The following SLC35D2 variants were observed in gnomAD, a reference collection of about 807,000 sequenced individuals.
SLC35D2 encodes nucleotide sugar transporter SLC35D2.
In SLC35D2, 43 loss-of-function variants were observed where a neutral mutation model predicts 41.8. That is an observed-to-expected ratio of 1.03 (90% CI 0.81 to 1.33). SLC35D2 has a LOEUF of 1.33. SLC35D2 is among the 40% of genes most tolerant of loss of function. The pLI is 0.00. For synonymous variants in SLC35D2, 150 were observed against 163.9 expected (o/e 0.92, Z 0.65); for missense variants, 380 against 408.4 (o/e 0.93, Z 0.60).
intron 1 of SLC35D2, among the ~76,000 whole-genome samples, chr9:96,373,374 T>G (rs568880561): frequency 6.6e-6 from 1 of 152,144 alleles, no homozygotes; most frequent in African/African-American, 2.4e-5. Flanking sequence ...TCCCCTGATA[T>G]GTCCTTTTTT....
At chr9:96,325,539 C>T (rs142427485) in intron 9 of SLC35D2, among the ~76,000 whole-genome samples, 2,947 of 152,200 alleles carry the variant, frequency 0.019, 42 homozygotes, top group Middle Eastern at 0.065. Flanking sequence ...AAAAATTAGC[C>T]GGGCGTGGCG....
chr9:96,330,377 G>A (rs563520970), intron 9 of SLC35D2, among the ~76,000 whole-genome samples: 66 of 152,202 alleles, frequency 4.3e-4, no homozygotes, highest in African/African-American at 1.6e-3. Flanking sequence ...TAATCCAGTC[G>A]AATTGATACC....
At position 96,372,919 on chromosome 9, in the gene SLC35D2, T is replaced by G. The variant is rs557038473; in HGVS notation, c.159-4614A>C. The stretch of plus-strand genomic sequence containing the variant: ...CTTTTGTTTTTTTGTTTTTTTTTTT[T>G]GAGACAGAGTTTCGCTCTTGCCCAG... On this transcript the variant is annotated intron_variant, in intron 1 of 11. Coordinates refer to ENST00000253270, the MANE Select transcript of SLC35D2 (RefSeq NM_007001.3). Among the ~76,000 whole-genome samples the G allele has an allele frequency of 4.7e-5, 7 of 149,310 alleles. No individual in the cohort carries two copies. In the East Asian group the frequency reaches 1.4e-3, roughly 29 times the overall value.
At chr9:96,342,397 T>G (rs1829371636) in intron 8 of SLC35D2, among the ~76,000 whole-genome samples, 1 of 152,220 alleles carries the variant, frequency 6.6e-6, no homozygotes, top group Non-Finnish European at 1.5e-5. Context: ...CCCAAAGTGC[T>G]GGGGTTACTG....
chr9:96,362,319 C>A (rs1379653040), intron 3 of SLC35D2, among the ~76,000 whole-genome samples: 1 of 152,116 alleles, frequency 6.6e-6, no homozygotes, highest in Admixed American at 6.6e-5. Flanking sequence ...ACCAGCCTGA[C>A]CAACATGGAG....
chr9:96,344,961 A>T (rs1829510846), intron 7 of SLC35D2, among the ~76,000 whole-genome samples: 1 of 152,180 alleles, frequency 6.6e-6, no homozygotes, highest in Non-Finnish European at 1.5e-5. Flanking sequence ...CCACATCTCC[A>T]GACTCCAAAC....
intron 9 of SLC35D2, among the ~76,000 whole-genome samples, chr9:96,333,594 CAAAAAAAAAAAAAA>C (rs573718212): frequency 2.9e-5 from 2 of 68,770 alleles, no homozygotes; most frequent in Non-Finnish European, 6.3e-5. Flanking sequence ...GACTCCGTCT[CAAAAAAAAAAAAAA>C]AAAAAAAAAG....
intron 1 of SLC35D2, among the ~76,000 whole-genome samples, chr9:96,378,505 C>A (rs540697871): frequency 4.6e-5 from 7 of 152,110 alleles, no homozygotes; most frequent in South Asian, 4.2e-4. Context: ...AAATAGTGAG[C>A]AAATATTTGT....
Position 96,340,619 on chromosome 9 carries a change from CAAAAAAAAAAAAAAAA to C in SLC35D2, c.684+3269_684+3284del, listed in dbSNP as rs57501812. 4.1e-3 allele frequency among the ~76,000 whole-genome samples: 145 copies of C among 35,380 alleles called. 10 individuals are homozygous for C. The highest frequency in any genetic ancestry group is 1.9e-3 in the East Asian group (2 of 1,070). 23.2% of individuals were successfully genotyped at this position (35,380 alleles called of 152,430 possible). On this transcript the variant is annotated intron_variant, in intron 8 of 11. Transcript: ENST00000253270. ...TGGGCAACAGAGGGAGACTCCATCTCAAAAAAAAAAAAAAAAAAAAAAAAAAAAAAACTAGTCAAAT... is the reference window on the plus strand; with the variant it reads ...TGGGCAACAGAGGGAGACTCCATCTCAAAAAAAAAAAAAAACTAGTCAAAT...
At chr9:96,323,039 T>C (rs537199771) in intron 10 of SLC35D2, among the ~76,000 whole-genome samples, 3 of 146,504 alleles carry the variant, frequency 2.0e-5, no homozygotes, top group Non-Finnish European at 3.0e-5. Flanking sequence ...TTTTTTTTTT[T>C]CAACCTTGGG....
At chr9:96,324,775 G>A (rs533639134) in intron 9 of SLC35D2, among the ~76,000 whole-genome samples, 1 of 151,880 alleles carries the variant, frequency 6.6e-6, no homozygotes, top group Admixed American at 6.6e-5. Context: ...GGCTGGTCTT[G>A]AACTCCTGAG....
intron 4 of SLC35D2, among the ~76,000 whole-genome samples, chr9:96,359,323 T>A (rs1356047678): frequency 2.0e-5 from 3 of 149,380 alleles, no homozygotes; most frequent in Non-Finnish European, 4.5e-5. Flanking sequence ...AAAAAAAAAA[T>A]CATTAACAGT....
chr9:96,368,911 C>T lies in SLC35D2; in HGVS notation c.159-606G>A, dbSNP rs553971187. 1.4e-4 allele frequency among the ~76,000 whole-genome samples: 21 copies of T among 151,988 alleles called. No homozygotes were observed. In the South Asian group the frequency reaches 2.1e-3, roughly 15 times the overall value. Reference sequence around the variant, plus strand: ...TCCCGAGTAGCTGGGACTATAGGCGCGCACCACCATGCCCGGTTAATTTTT... The same window carrying T: ...TCCCGAGTAGCTGGGACTATAGGCGTGCACCACCATGCCCGGTTAATTTTT... On this transcript the variant is annotated intron_variant, in intron 1 of 11. Coordinates refer to ENST00000253270, the MANE Select transcript of SLC35D2 (RefSeq NM_007001.3).
chr9:96,360,564 G>T (rs1222737861), intron 3 of SLC35D2, among the ~76,000 whole-genome samples: 1 of 143,340 alleles, frequency 7.0e-6, no homozygotes, highest in East Asian at 2.1e-4. Flanking sequence ...GGCGGGCAGA[G>T]GTTGCAGTGA....
At chr9:96,327,606 TTTTTTC>T (rs544645222) in intron 9 of SLC35D2, among the ~76,000 whole-genome samples, 90 of 151,896 alleles carry the variant, frequency 5.9e-4, no homozygotes, top group Admixed American at 2.4e-3. Context: ...GCTGCACTTC[TTTTTTC>T]TTTTTCTTTT....
chr9:96,376,825 G>T (rs1830982290), intron 1 of SLC35D2, among the ~76,000 whole-genome samples: 1 of 151,380 alleles, frequency 6.6e-6, no homozygotes, highest in African/African-American at 2.4e-5. Context: ...GACCAGGATG[G>T]TCTCGAACTC....
chr9:96,347,890 C>T (rs538556402), intron 6 of SLC35D2, among the ~76,000 whole-genome samples: 3 of 152,294 alleles, frequency 2.0e-5, no homozygotes, highest in South Asian at 4.1e-4. Context: ...CCGCCAGCGC[C>T]GTGACAGTTT....
chr9:96,347,970 C>T (rs536263219), intron 6 of SLC35D2, among the ~76,000 whole-genome samples: 3 of 152,322 alleles, frequency 2.0e-5, no homozygotes, highest in East Asian at 3.9e-4. Context: ...TAATCCACCC[C>T]TTGTTTAGCA....
chr9:96,318,347 C>T (rs943051136), downstream of SLC35D2, among the ~76,000 whole-genome samples: 2 of 151,184 alleles, frequency 1.3e-5, no homozygotes, highest in Non-Finnish European at 2.9e-5. Context: ...GGTCCCAGCT[C>T]CTCGGGAGGC....
Sources: gnomAD v4.1 joint callset for allele counts (sites outside exome capture counted in the v4.1 genomes callset) on GRCh38, gnomAD v4.1.1 for gene constraint, MANE v1.5 for transcripts, NCBI Gene and HGNC (gene_info 2026-07-23, HGNC 2026-07-21) for gene names.